NIPBL: variants seen among roughly 807,000 people sequenced by gnomAD.
NIPBL encodes nipped-B-like protein.
NIPBL carries 19 observed loss-of-function variants against 321.8 expected under a neutral mutation model. The observed-to-expected ratio is 0.06, with a 90% CI of 0.04 to 0.09. The LOEUF is 0.09. Ranked by LOEUF, NIPBL falls within the 10% of genes least tolerant of loss-of-function variation. The pLI, the probability that NIPBL is intolerant of heterozygous loss-of-function variation, is 1.00. For missense variants in NIPBL, 2,210 were observed against 3,327.0 expected, an observed-to-expected ratio of 0.66 and a Z score of 8.26; for synonymous variants, 1,106 against 1,114.1, an observed-to-expected ratio of 0.99 and a Z score of 0.14.
chr5:36,885,975 A>G, intron 1 of NIPBL: 1 of 729,362 alleles, frequency 1.4e-6, no homozygotes, highest in African/African-American at 1.7e-5. Flanking sequence ...CAATACGACG[A>G]GCTAGCTCAG....
chr5:36,900,010 C>G (rs1260533500), intron 1 of NIPBL, among the ~76,000 whole-genome samples: 1 of 152,046 alleles, frequency 6.6e-6, no homozygotes, highest in East Asian at 1.9e-4. Context: ...CTTTAATAGC[C>G]TTATTCTTAG....
At chr5:36,893,564 A>G (rs1334003013) in intron 1 of NIPBL, among the ~76,000 whole-genome samples, 1 of 151,806 alleles carries the variant, frequency 6.6e-6, no homozygotes, top group African/African-American at 2.4e-5. Flanking sequence ...GTGTTCCCTT[A>G]GACTTCTCAA....
intron 34 of NIPBL, 97 bp downstream of exon 34, chr5:37,038,835 T>G (rs1752006023): frequency 8.4e-6 from 10 of 1,188,546 alleles, no homozygotes; most frequent in Non-Finnish European, 1.2e-5. Flanking sequence ...CACTGACAGA[T>G]CAACTGTGTC....
chr5:36,996,254 G>T lies in NIPBL; in HGVS notation c.3304+450G>T, dbSNP rs1167064991. Among the ~76,000 whole-genome samples the T allele has an allele frequency of 1.3e-5, 2 of 152,204 alleles. No homozygotes were observed. The highest frequency in any genetic ancestry group is 6.5e-5 in the Admixed American group (1 of 15,276). ...ACATTGGATTGGCATCAAAATCAGA[G>T]TGGGGGCTCAGGGAATGCTTACTGG... On this transcript the variant is annotated intron_variant, in intron 11 of 46. Transcript: ENST00000282516. The surrounding 1 kb of genome is among the most constrained non-coding windows in gnomAD (Gnocchi z 5.0).
chr5:37,002,319 C>T (rs1317246323), intron 14 of NIPBL, among the ~76,000 whole-genome samples: 2 of 152,126 alleles, frequency 1.3e-5, no homozygotes, highest in Non-Finnish European at 1.5e-5. Flanking sequence ...ACAGGGCACC[C>T]TACTGGCCAA....
At chr5:37,022,585 A>G (rs1749771880) in intron 29 of NIPBL, among the ~76,000 whole-genome samples, 195 bp downstream of exon 29, 3 of 152,244 alleles carry the variant, frequency 2.0e-5, no homozygotes, top group South Asian at 2.1e-4. Context: ...AAAACAAATC[A>G]TTGGTAATAA....
At chr5:37,027,253 T>C in intron 31 of NIPBL, 106 bp from the exon 32 acceptor site, 2 of 890,624 alleles carry the variant, frequency 2.2e-6, no homozygotes, top group Non-Finnish European at 3.7e-6. Context: ...AATAAACTTT[T>C]GAATTGAGAA....
chr5:37,056,969 C>CCTGT (rs1754153716), intron 42 of NIPBL, among the ~76,000 whole-genome samples: 1 of 151,708 alleles, frequency 6.6e-6, no homozygotes, highest in Admixed American at 6.6e-5. Context: ...TTTTGTTACA[C>CCTGT]CTGTCTCCCT....
Position 37,006,430 on chromosome 5 carries a change from C to G in NIPBL, c.3929C>G (p.Ala1310Gly), listed in dbSNP as rs763315761. 6.2e-7 allele frequency: 1 copy of G among 1,612,626 alleles called. No individual in the cohort carries two copies. The highest frequency in any genetic ancestry group is 1.3e-5 in the African/African-American group (1 of 74,962). Residue 1310 changes from alanine (A) to glycine (G), a missense_variant, in exon 17 of 47, where the codon GCT becomes GGT. This residue lies in a region of NIPBL where 381 missense variants were observed against 642.3 expected (regional missense o/e 0.59). Coordinates refer to ENST00000282516, the MANE Select transcript of NIPBL (RefSeq NM_133433.4). Reference sequence around the variant, plus strand: ...GAGAGAGTTACAAAATCAGCGGATGCTTGTCTTACAACTATCAACATTATG... The same window carrying G: ...GAGAGAGTTACAAAATCAGCGGATGGTTGTCTTACAACTATCAACATTATG... The part of the protein sequence containing the change: ...IMERVTKSAD[A>G]CLTTINIMTS...
chr5:36,968,114 A>G (rs1330856920), intron 6 of NIPBL, among the ~76,000 whole-genome samples: 2 of 151,034 alleles, frequency 1.3e-5, no homozygotes, highest in Non-Finnish European at 3.0e-5. Flanking sequence ...AAAAAAAACA[A>G]AAAACAAAAA....
chr5:36,904,339 G>A (rs1327326881), intron 1 of NIPBL, among the ~76,000 whole-genome samples: 2 of 152,156 alleles, frequency 1.3e-5, no homozygotes, highest in Non-Finnish European at 2.9e-5. Flanking sequence ...GCATGGTGGC[G>A]TGTGCCTGTA....
chr5:36,981,723 C>T (rs946339120), intron 9 of NIPBL, among the ~76,000 whole-genome samples: 1 of 151,640 alleles, frequency 6.6e-6, no homozygotes, highest in Non-Finnish European at 1.5e-5. Flanking sequence ...CCTATTTCAT[C>T]TTTTCCCAAG....
intron 30 of NIPBL, 145 bp downstream of exon 30, chr5:37,024,864 T>G (rs1039827476): frequency 1.4e-5 from 9 of 647,262 alleles, no homozygotes; most frequent in South Asian, 1.1e-4. Flanking sequence ...AATACATACT[T>G]TAATTTTTTT....
chr5:36,945,585 G>A (rs144412664), intron 1 of NIPBL, among the ~76,000 whole-genome samples: 2 of 152,268 alleles, frequency 1.3e-5, no homozygotes, highest in East Asian at 3.9e-4. Flanking sequence ...ATCCAGCGGT[G>A]GCTGCAGAGA....
At chr5:36,938,168 C>T (rs1289716059) in intron 1 of NIPBL, among the ~76,000 whole-genome samples, 1 of 152,142 alleles carries the variant, frequency 6.6e-6, no homozygotes, top group East Asian at 1.9e-4. Flanking sequence ...TAGGCTTGTA[C>T]TTTTGTGCCT....
intron 1 of NIPBL, among the ~76,000 whole-genome samples, chr5:36,932,186 T>G (rs2149573066): frequency 6.6e-6 from 1 of 152,314 alleles, no homozygotes; most frequent in African/African-American, 2.4e-5. Flanking sequence ...TTGGAGAATG[T>G]TCTTGTATGC....
At chr5:36,897,452 G>T (rs1165605864) in intron 1 of NIPBL, among the ~76,000 whole-genome samples, 1 of 152,090 alleles carries the variant, frequency 6.6e-6, no homozygotes, top group African/African-American at 2.4e-5. Context: ...GACAGTTTAT[G>T]TTCTTTAGTT....
intron 23 of NIPBL, 129 bp downstream of exon 23, chr5:37,016,299 T>C: frequency 2.1e-6 from 2 of 946,152 alleles, no homozygotes; most frequent in Admixed American, 2.0e-5. Flanking sequence ...TCTTTTTGCA[T>C]GTGCATAACT....
intron 10 of NIPBL, among the ~76,000 whole-genome samples, chr5:36,992,647 G>A (rs1745659755): frequency 6.6e-6 from 1 of 151,950 alleles, no homozygotes; most frequent in Non-Finnish European, 1.5e-5. Flanking sequence ...CCAAATGGCT[G>A]AGTTATCCAG....
Sources: gnomAD v4.1 joint callset for allele counts (sites outside exome capture counted in the v4.1 genomes callset) on GRCh38, gnomAD v4.1.1 for gene constraint, gnomAD v4.1.1 regional missense constraint, Gnocchi (gnomAD v3.1) non-coding constraint, MANE v1.5 for transcripts, NCBI Gene and HGNC (gene_info 2026-07-23, HGNC 2026-07-21) for gene names.